The following NUP43 variants were observed in gnomAD, a reference collection of about 807,000 sequenced individuals.
NUP43 encodes nucleoporin Nup43.
In NUP43, 32 loss-of-function variants were observed where a neutral mutation model predicts 47.3. The ratio of observed to expected loss-of-function variants is 0.68; its 90% CI spans 0.51 to 0.91. The LOEUF is 0.91. Among genes scored for constraint, NUP43 ranks in the 40% least tolerant of loss-of-function variants. The pLI is 0.00. For missense variants in NUP43, 444 were observed against 453.9 expected, an observed-to-expected ratio of 0.98 and a Z score of 0.20; for synonymous variants, 147 against 158.4, an observed-to-expected ratio of 0.93 and a Z score of 0.54.
intron 7 of NUP43, chr6:149,728,393 G>C (rs1377123478): frequency 5.1e-6 from 5 of 983,492 alleles, no homozygotes; most frequent in East Asian, 1.1e-4. Context: ...TTAATCCTTA[G>C]ATGAAACTGT....
chr6:149,746,318 G>T, intron 1 of NUP43, 58 bp downstream of exon 1: 1 of 1,596,762 alleles, frequency 6.3e-7, no homozygotes, highest in Non-Finnish European at 8.6e-7. Flanking sequence ...GAAGGCCAGG[G>T]GTCAGCTCAA....
At chr6:149,728,451 C>T in intron 7 of NUP43, 1 of 984,714 alleles carries the variant, frequency 1.0e-6, no homozygotes. Context: ...ATGCATGCTC[C>T]ACACATGCTC....
Position 149,742,475 on chromosome 6 carries a change from G to A in NUP43, c.417C>T (p.Cys139=). ...YSSAPCTGVV[C]NNPEIVTVGE... ...CAACTGTAACGATTTCTGGGTTGTT[G>A]CACACAACACCTGTACATGGTGCAC... The change falls in exon 4 of 8, where the codon TGC becomes TGT. Residue 139 remains cysteine (C), a synonymous_variant. Coordinates refer to ENST00000340413, the MANE Select transcript of NUP43 (RefSeq NM_198887.3). 1 of 1,613,998 alleles carries A rather than the reference G, an allele frequency of 6.2e-7. No homozygotes were observed.
chr6:149,747,221 G>C (rs1786058082), upstream of NUP43, among the ~76,000 whole-genome samples: 1 of 152,042 alleles, frequency 6.6e-6, no homozygotes, highest in Admixed American at 6.6e-5. Context: ...TATCCTTCAA[G>C]GATCTGTTCT....
upstream of NUP43, among the ~76,000 whole-genome samples, chr6:149,748,249 G>A (rs1786119660): frequency 6.6e-6 from 1 of 152,172 alleles, no homozygotes. Flanking sequence ...GACCTGGGAG[G>A]TGGAGGTTGC....
chr6:149,745,396 T>C (rs1026348060), intron 2 of NUP43, among the ~76,000 whole-genome samples: 8 of 147,876 alleles, frequency 5.4e-5, no homozygotes, highest in African/African-American at 1.2e-4. Context: ...CGAGACTCCA[T>C]CTTGGAAAAA....
At chr6:149,727,766 A>G (rs1784857276) in intron 7 of NUP43, 2 of 983,744 alleles carry the variant, frequency 2.0e-6, no homozygotes, top group Non-Finnish European at 2.4e-6. Context: ...GAACACTACT[A>G]GATTATAAGG....
chr6:149,730,415 A>G (rs1784978079), intron 7 of NUP43, among the ~76,000 whole-genome samples: 1 of 152,190 alleles, frequency 6.6e-6, no homozygotes, highest in Non-Finnish European at 1.5e-5. Flanking sequence ...GCCACTGTCT[A>G]TGCTATGGCA....
chr6:149,745,963 G>A lies in NUP43; in HGVS notation c.220C>T (p.His74Tyr), dbSNP rs1489270046. The A allele has an allele frequency of 1.2e-6, 2 of 1,612,372 alleles. No homozygotes were observed. Among genetic ancestry groups the A allele is most frequent in the East Asian group, 4.5e-5 (2 of 44,886 alleles). Residue 74 changes from histidine (H) to tyrosine (Y), a missense_variant, in exon 2 of 8, where the codon CAT becomes TAT. By Grantham distance (83) the His-to-Tyr change is moderately conservative (BLOSUM62 2). Coordinates refer to ENST00000340413, the MANE Select transcript of NUP43 (RefSeq NM_198887.3). The stretch of plus-strand genomic sequence containing the variant: ...ACCTGTAAATCCATTACATCACCAT[G>A]GTGTCTGATATCACACAATAACTGA... ...DHQLLCDIRH[H>Y]GDVMDLQFFD... is the part of the protein sequence containing the mutation.
rs769355579 is a variant in NUP43, at chr6:149,742,506, T to A, written c.386A>T (p.Tyr129Phe). The change falls in exon 4 of 8, where the codon TAT becomes TTT. Residue 129 changes from tyrosine to phenylalanine, a missense_variant. Tyr to Phe is a conservative substitution (Grantham distance 22, BLOSUM62 3). Coordinates refer to ENST00000340413, the MANE Select transcript of NUP43 (RefSeq NM_198887.3). The part of the protein sequence containing the change: ...HYHTGPGSPS[Y>F]SSAPCTGVVC... ...AACACCTGTACATGGTGCACTGCTA[T>A]AGGAAGGACTGCCAGGGCCTGTGTG... The A allele has an allele frequency of 1.2e-6, 2 of 1,613,988 alleles. No homozygotes were observed.
chr6:149,744,989 C>T (rs368591359), intron 2 of NUP43, among the ~76,000 whole-genome samples: 21 of 150,558 alleles, frequency 1.4e-4, no homozygotes, highest in African/African-American at 4.6e-4. Context: ...GCAACCTCTG[C>T]GCCCGGGTTC....
chr6:149,731,791 A>G, intron 6 of NUP43, 56 bp from the exon 7 acceptor site: 1 of 1,583,262 alleles, frequency 6.3e-7, no homozygotes. Flanking sequence ...AACAAACAAC[A>G]TTAAACCCCC....
intron 6 of NUP43, among the ~76,000 whole-genome samples, chr6:149,736,177 T>C (rs1785340632): frequency 6.6e-6 from 1 of 151,548 alleles, no homozygotes; most frequent in Non-Finnish European, 1.5e-5. Context: ...CTCGGGAGGC[T>C]GAGGCAGGAG....
chr6:149,734,869 C>T (rs1170452181), intron 6 of NUP43, among the ~76,000 whole-genome samples: 1 of 148,548 alleles, frequency 6.7e-6, no homozygotes, highest in African/African-American at 2.5e-5. Context: ...TGAAAAATTT[C>T]TGTCCGGCTA....
At position 149,726,601 on chromosome 6, in the gene NUP43, GT is replaced by G. The variant is rs1784800162; in HGVS notation, c.*367del. 3.9e-6 allele frequency: 1 copy of G among 254,858 alleles called. No individual in the cohort carries two copies. The highest frequency in any genetic ancestry group is 4.9e-5 in the Admixed American group (1 of 20,244). The allele number at this position is 254,858 out of a possible 1,614,324, so 15.8% of individuals were successfully genotyped here. On this transcript the variant is annotated 3_prime_UTR_variant, in exon 8 of 8. Coordinates refer to ENST00000340413, the MANE Select transcript of NUP43 (RefSeq NM_198887.3). ...ATGCCACATACTACTGATAAAAATTGTAGGAACCCATTGGTAGTTCCCATAA... is the reference window on the plus strand; with the variant it reads ...ATGCCACATACTACTGATAAAAATTGAGGAACCCATTGGTAGTTCCCATAA...
Position 149,738,794 on chromosome 6 carries a change from A to T in NUP43, c.503-16T>A. On this transcript the variant is annotated splice_polypyrimidine_tract_variant and intron_variant, in intron 4 of 7. Coordinates refer to ENST00000340413, the MANE Select transcript of NUP43 (RefSeq NM_198887.3). ...TCTGCATTGTCTAAAAATTTAAAAAATGGTAGTATGTGTTAATGAGTCCCC... is the reference window on the plus strand; with the variant it reads ...TCTGCATTGTCTAAAAATTTAAAAATTGGTAGTATGTGTTAATGAGTCCCC... 4 of 1,462,502 alleles carry T rather than the reference A, an allele frequency of 2.7e-6. No homozygotes were observed. The highest frequency in any genetic ancestry group is 3.6e-6 in the Non-Finnish European group (4 of 1,103,160). 90.6% of individuals were successfully genotyped at this position (1,462,502 alleles called of 1,614,324 possible).
In NUP43 at chr6:149,736,582, G is replaced by C; in HGVS notation, c.679C>G (p.Pro227Ala). The change falls in exon 6 of 8, where the codon CCC becomes GCC. Residue 227 changes from proline to alanine, a missense_variant. Pro to Ala is a conservative substitution (Grantham distance 27). Coordinates refer to ENST00000340413, the MANE Select transcript of NUP43 (RefSeq NM_198887.3). ...GTAGCTACAACATGCTGTTGGTTGGGATGTCTATCAACACAGTGGAGTGGC... is the reference window on the plus strand; with the variant it reads ...GTAGCTACAACATGCTGTTGGTTGGCATGTCTATCAACACAGTGGAGTGGC... ...RVPLHCVDRH[P>A]NQQHVVATGG... 1 of 1,609,396 alleles carries C rather than the reference G, an allele frequency of 6.2e-7. No homozygotes were observed. The highest frequency in any genetic ancestry group is 1.1e-5 in the South Asian group (1 of 90,788).
At chr6:149,742,002 G>A (rs1289717791) in intron 4 of NUP43, among the ~76,000 whole-genome samples, 2 of 151,858 alleles carry the variant, frequency 1.3e-5, no homozygotes, top group Admixed American at 1.3e-4. Flanking sequence ...GGGATTACAG[G>A]CATGCGCCAC....
chr6:149,728,652 C>G (rs1438279583), intron 7 of NUP43, among the ~76,000 whole-genome samples: 1 of 152,146 alleles, frequency 6.6e-6, no homozygotes, highest in Non-Finnish European at 1.5e-5. Flanking sequence ...TCCCATAAGT[C>G]TAAAGTCCTT....
Sources: gnomAD v4.1 joint callset for allele counts (sites outside exome capture counted in the v4.1 genomes callset) on GRCh38, gnomAD v4.1.1 for gene constraint, MANE v1.5 for transcripts, NCBI Gene and HGNC (gene_info 2026-07-23, HGNC 2026-07-21) for gene names.